PRKN: variants seen among roughly 807,000 people sequenced by gnomAD.
PRKN encodes E3 ubiquitin-protein ligase parkin.
In PRKN, 56 loss-of-function variants were observed where a neutral mutation model predicts 59.5. The ratio of observed to expected loss-of-function variants is 0.94; its 90% CI spans 0.76 to 1.18. PRKN has a LOEUF of 1.18. PRKN is among the 50% of genes most tolerant of loss of function. PRKN has a pLI of 0.00. For missense variants in PRKN, 657 were observed against 596.4 expected, an observed-to-expected ratio of 1.10 and a Z score of -1.06; for synonymous variants, 250 against 222.1, an observed-to-expected ratio of 1.13 and a Z score of -1.12.
chr6:162,171,362 T>C (rs757033429), intron 4 of PRKN, among the ~76,000 whole-genome samples: 1 of 152,132 alleles, frequency 6.6e-6, no homozygotes. Flanking sequence ...TTCTGTAAGA[T>C]GTAAGAGTGT....
At chr6:162,696,755 A>G (rs1346755958) in intron 1 of PRKN, among the ~76,000 whole-genome samples, 1 of 151,648 alleles carries the variant, frequency 6.6e-6, no homozygotes, top group Non-Finnish European at 1.5e-5. Context: ...CATGTTGCAT[A>G]AGCTGGTCTT....
chr6:161,624,450 A>G (rs1436940486), intron 7 of PRKN, among the ~76,000 whole-genome samples: 1 of 152,274 alleles, frequency 6.6e-6, no homozygotes, highest in East Asian at 1.9e-4. Flanking sequence ...TGCCAAATGA[A>G]TATAAACTGG....
rs563104978 is a variant in PRKN at position 161,378,688 on chromosome 6, A to G, written c.1167+8106T>C. On this transcript the variant is annotated intron_variant, in intron 10 of 11. Coordinates refer to ENST00000366898, the MANE Select transcript of PRKN (RefSeq NM_004562.3). This position sits in a 1 kb window ranked among gnomAD's most constrained non-coding sequence, Gnocchi z 7.3. Reference sequence around the variant, plus strand: ...CCTGTCACACATCCTACTGCCCAGAAGCTGTTGACCTGATGAGACGGATGG... The same window carrying G: ...CCTGTCACACATCCTACTGCCCAGAGGCTGTTGACCTGATGAGACGGATGG... Among the ~76,000 whole-genome samples, 2 of 152,332 alleles carry G rather than the reference A, an allele frequency of 1.3e-5. No individual in the cohort carries two copies. The highest frequency in any genetic ancestry group is 4.8e-5 in the African/African-American group (2 of 41,590).
At chr6:162,066,859 C>G (rs1778360943) in intron 4 of PRKN, among the ~76,000 whole-genome samples, 1 of 152,186 alleles carries the variant, frequency 6.6e-6, no homozygotes, top group Non-Finnish European at 1.5e-5. Context: ...AGACATTTGT[C>G]TTTATGTTGT....
intron 7 of PRKN, among the ~76,000 whole-genome samples, chr6:161,634,010 A>ACACG (rs1457385254): frequency 2.0e-5 from 3 of 150,370 alleles, no homozygotes; most frequent in Admixed American, 6.6e-5. Flanking sequence ...ACACACACAC[A>ACACG]CACACACACA....
intron 5 of PRKN, among the ~76,000 whole-genome samples, chr6:162,029,247 A>T (rs113365669): frequency 1.7e-3 from 260 of 152,280 alleles, no homozygotes; most frequent in African/African-American, 5.9e-3. Flanking sequence ...TCTATTTTTT[A>T]AAAAAGAAAA....
At chr6:162,487,583 A>G (rs961516718) in intron 1 of PRKN, among the ~76,000 whole-genome samples, 3 of 152,226 alleles carry the variant, frequency 2.0e-5, no homozygotes, top group Admixed American at 6.5e-5. Context: ...TAAAATCTAC[A>G]CAAGGACTTC....
At chr6:161,827,035 C>T (rs1250567771) in intron 6 of PRKN, among the ~76,000 whole-genome samples, 2 of 152,186 alleles carry the variant, frequency 1.3e-5, no homozygotes, top group African/African-American at 4.8e-5. Context: ...AGGGAATGAG[C>T]TTGGAGGACT....
Position 162,498,688 on chromosome 6 carries a change from C to T in PRKN, c.8-55215G>A, listed in dbSNP as rs150937266. On this transcript the variant is annotated intron_variant, in intron 1 of 11. Coordinates refer to ENST00000366898, the MANE Select transcript of PRKN (RefSeq NM_004562.3). ...TTTAGAACAGTCCATAAACTGCCGC[C>T]TTTAAGTGACTGAATCCTGGAAATA... 8.1e-4 allele frequency among the ~76,000 whole-genome samples: 123 copies of T among 151,640 alleles called. 1 individual carries two copies. The Middle Eastern group carries it at 0.041, about 50-fold the overall frequency.
At chr6:162,537,075 G>A (rs1954798) in intron 1 of PRKN, among the ~76,000 whole-genome samples, 1 of 151,952 alleles carries the variant, frequency 6.6e-6, no homozygotes, top group Non-Finnish European at 1.5e-5. Context: ...AGAAGGCTTA[G>A]AAGGCTGGCT....
intron 9 of PRKN, among the ~76,000 whole-genome samples, chr6:161,516,264 A>T (rs962426164): frequency 2.0e-5 from 3 of 151,674 alleles, no homozygotes; most frequent in African/African-American, 7.3e-5. Flanking sequence ...CCTGTCCGAC[A>T]TGGTGAAACC....
chr6:161,750,098 C>CATATATATATATATATATAT (rs72125109), intron 7 of PRKN, among the ~76,000 whole-genome samples: 1 of 145,112 alleles, frequency 6.9e-6, no homozygotes, highest in African/African-American at 2.6e-5. Flanking sequence ...ACACATAGGA[C>CATATATATATATATATATAT]ATATATATAT....
intron 7 of PRKN, among the ~76,000 whole-genome samples, chr6:161,704,853 G>A (rs1422785383): frequency 6.6e-6 from 1 of 152,178 alleles, no homozygotes; most frequent in Non-Finnish European, 1.5e-5. Context: ...GCTATAAAGA[G>A]GGTTGTTCAG....
rs148890641 is a variant in PRKN at position 161,446,698 on chromosome 6, C to T, written c.1084-59821G>A. ...CTATCAAATTAAAGCTCTGCACAAA[C>T]GAAACAATTCATCCTCATCTAATTT... On this transcript the variant is annotated intron_variant, in intron 9 of 11. Coordinates refer to ENST00000366898, the MANE Select transcript of PRKN (RefSeq NM_004562.3). The surrounding 1 kb of genome is among the most constrained non-coding windows in gnomAD (Gnocchi z 6.2). Among the ~76,000 whole-genome samples the T allele has an allele frequency of 5.8e-4, 88 of 152,236 alleles. No individual in the cohort carries two copies. The highest frequency in any genetic ancestry group is 4.3e-3 in the Admixed American group (65 of 15,290).
intron 2 of PRKN, among the ~76,000 whole-genome samples, chr6:162,418,610 G>C (rs543794258): frequency 3.5e-5 from 5 of 144,032 alleles, no homozygotes; most frequent in African/African-American, 1.0e-4. Flanking sequence ...GAGAGGGACA[G>C]ACAGTGTGTG....
At position 161,388,305 on chromosome 6, in the gene PRKN, C is replaced by A. The variant is rs1786356739; in HGVS notation, c.1084-1428G>T. Among the ~76,000 whole-genome samples, 1 of 152,214 alleles carries A rather than the reference C, an allele frequency of 6.6e-6. No homozygotes were observed. The highest frequency in any genetic ancestry group is 2.4e-5 in the African/African-American group (1 of 41,452). ...AGCACATGCTGAGTGGCTACAATCA[C>A]AGCATACAATGTGTTCTAAACTTTA... On this transcript the variant is annotated intron_variant, in intron 9 of 11. Coordinates refer to ENST00000366898, the MANE Select transcript of PRKN (RefSeq NM_004562.3). The surrounding 1 kb of genome is among the most constrained non-coding windows in gnomAD (Gnocchi z 4.3).
chr6:161,774,437 G>A (rs755204075), intron 7 of PRKN, among the ~76,000 whole-genome samples: 13 of 147,462 alleles, frequency 8.8e-5, no homozygotes, highest in African/African-American at 1.7e-4. Context: ...CACACACGGC[G>A]TGGCTAGGCA....
chr6:162,560,237 A>G (rs1365528062), intron 1 of PRKN, among the ~76,000 whole-genome samples: 1 of 152,252 alleles, frequency 6.6e-6, no homozygotes, highest in Non-Finnish European at 1.5e-5. Flanking sequence ...TAAAAACCTT[A>G]GAAGTTTCTA....
intron 4 of PRKN, among the ~76,000 whole-genome samples, chr6:162,073,541 T>G (rs1778676030): frequency 1.3e-5 from 2 of 152,132 alleles, no homozygotes; most frequent in South Asian, 4.1e-4. Context: ...AGCCAAAACC[T>G]CCTGGGCTCA....
Sources: allele counts gnomAD v4.1 joint callset (sites outside exome capture counted in the v4.1 genomes callset), GRCh38; gene constraint gnomAD v4.1.1; non-coding constraint Gnocchi (gnomAD v3.1); transcripts MANE v1.5; gene names NCBI Gene and HGNC (gene_info 2026-07-23, HGNC 2026-07-21).